MYCBP2: variants seen among roughly 807,000 people sequenced by gnomAD.
MYCBP2 encodes the protein E3 ubiquitin-protein ligase MYCBP2.
MYCBP2 carries 120 observed loss-of-function variants against 525.3 expected under a neutral mutation model. The observed-to-expected ratio is 0.23, with a 90% confidence interval of 0.20 to 0.27. The LOEUF (loss-of-function observed/expected upper bound fraction) is 0.27, where lower values mean the gene tolerates loss of function less well. Ranked by LOEUF, MYCBP2 falls within the 10% of genes least tolerant of loss-of-function variation. MYCBP2 has a pLI of 1.00. For missense variants in MYCBP2, 4,149 were observed against 5,657.1 expected, an observed-to-expected ratio of 0.73 and a Z score of 8.55; for synonymous variants, 1,894 against 1,955.8, an observed-to-expected ratio of 0.97 and a Z score of 0.83.
intron 1 of MYCBP2, among the ~76,000 whole-genome samples, chr13:77,303,063 G>A (rs993379540): frequency 2.0e-5 from 3 of 152,184 alleles, no homozygotes; most frequent in Non-Finnish European, 4.4e-5. Context: ...GGCCAGGCGC[G>A]GTGGCTCATG....
chr13:77,049,395 T>C (rs1302905099), intron 82 of MYCBP2, among the ~76,000 whole-genome samples: 1 of 152,164 alleles, frequency 6.6e-6, no homozygotes, highest in Non-Finnish European at 1.5e-5. Flanking sequence ...TACTTATCTT[T>C]ATTTTGAAAT....
chr13:77,166,654 T>C, intron 40 of MYCBP2, 100 bp from the exon 41 acceptor site: 2 of 691,184 alleles, frequency 2.9e-6, no homozygotes. Context: ...TTTTATTAAA[T>C]GACACAACAG....
chr13:77,312,206 T>C lies in MYCBP2; in HGVS notation c.302+14268A>G, dbSNP rs1053728929. ...TTCTCAAAGAAAAACAAAGAGAATG[T>C]ATCCCCAGCAGACTGATCTGCTAGA... On this transcript the variant is annotated intron_variant, in intron 1 of 82. Coordinates refer to ENST00000544440, the MANE Select transcript of MYCBP2 (RefSeq NM_015057.5). Among the ~76,000 whole-genome samples the C allele has an allele frequency of 1.1e-4, 16 of 152,236 alleles. No individual in the cohort carries two copies. The East Asian group carries it at 2.9e-3, about 27-fold the overall frequency.
chr13:77,115,208 A>G (rs140798899), intron 55 of MYCBP2, among the ~76,000 whole-genome samples: 1 of 152,038 alleles, frequency 6.6e-6, no homozygotes, highest in East Asian at 1.9e-4. Flanking sequence ...CAGAAGGTAC[A>G]GGACATAAAA....
In MYCBP2 at chr13:77,274,762, G is replaced by A. The variant is rs185359416; in HGVS notation, c.749-1094C>T. 5.9e-5 allele frequency among the ~76,000 whole-genome samples: 9 copies of A among 151,780 alleles called. 1 individual carries two copies. Among genetic ancestry groups the A allele is most frequent in the South Asian group, 2.1e-4 (1 of 4,814 alleles). On this transcript the variant is annotated intron_variant, in intron 4 of 82. Coordinates refer to ENST00000544440, the MANE Select transcript of MYCBP2 (RefSeq NM_015057.5). The stretch of plus-strand genomic sequence containing the variant: ...GTTAAGAAATTATCTCTTACCATTC[G>A]CTTTTGCCCCAATAGCCAGGGAGAA...
rs1269410083 is a variant in MYCBP2, at chr13:77,056,114, G to GTA, written c.13438-348_13438-347insTA. On this transcript the variant is annotated intron_variant, in intron 79 of 82. Transcript: ENST00000544440. ...CTCTGTGTTTGGTGTGTGTGTGTGT[G>GTA]TGTGTGTGTGTGTGTGTGTGTGTGT... 3.3e-3 allele frequency among the ~76,000 whole-genome samples: 448 copies of GTA among 136,812 alleles called. 4 individuals carry two copies. The highest frequency in any genetic ancestry group is 0.011 in the African/African-American group (420 of 39,246). 89.8% of individuals were successfully genotyped at this position (136,812 alleles called of 152,430 possible). A position where few individuals can be genotyped will look rare whatever the true frequency, so the allele number is the denominator to read the frequency against.
At chr13:77,120,291 A>G (rs1273305594) in intron 55 of MYCBP2, among the ~76,000 whole-genome samples, 1 of 152,216 alleles carries the variant, frequency 6.6e-6, no homozygotes, top group East Asian at 1.9e-4. Context: ...GTAAGCGAGC[A>G]GATGATACCC....
chr13:77,256,798 C>T (rs887497663), intron 14 of MYCBP2, among the ~76,000 whole-genome samples: 4 of 151,892 alleles, frequency 2.6e-5, no homozygotes, highest in African/African-American at 7.2e-5. Context: ...AAATTTAGTA[C>T]AGCCACTCTG....
At chr13:77,260,728 G>C (rs973693894) in intron 12 of MYCBP2, 136 bp from the exon 13 acceptor site, 1 of 720,764 alleles carries the variant, frequency 1.4e-6, no homozygotes, top group Non-Finnish European at 2.1e-6. Context: ...CAAAGGCCTG[G>C]GCTTCCCAAC....
rs187767183 is a variant in MYCBP2 at position 77,095,077 on chromosome 13, A to G, written c.10199+281T>C. Among the ~76,000 whole-genome samples the G allele has an allele frequency of 2.1e-3, 326 of 152,318 alleles. 4 individuals carry two copies. Among genetic ancestry groups the G allele is most frequent in the East Asian group, 1.4e-3 (7 of 5,174 alleles). ...CATTTCGCACTAACAGAGTGAAGTCAGCCTACCAAAGAGTAAAAGATAGCT... is the reference window on the plus strand; with the variant it reads ...CATTTCGCACTAACAGAGTGAAGTCGGCCTACCAAAGAGTAAAAGATAGCT... On this transcript the variant is annotated intron_variant, in intron 58 of 82. Transcript: ENST00000544440.
intron 26 of MYCBP2, among the ~76,000 whole-genome samples, chr13:77,199,830 T>C (rs1409380930): frequency 6.6e-6 from 1 of 151,916 alleles, no homozygotes; most frequent in African/African-American, 2.4e-5. Flanking sequence ...CAGCTGAGGG[T>C]CCTGTCTGTT....
rs764086780 is a variant in MYCBP2, at chr13:77,191,770, C to G, written c.3979G>C (p.Ala1327Pro). 4 of 1,614,098 alleles carry G rather than the reference C, an allele frequency of 2.5e-6. No individual in the cohort carries two copies. The highest frequency in any genetic ancestry group is 2.5e-6 in the Non-Finnish European group (3 of 1,180,002). Residue 1327 changes from alanine (A) to proline (P), a missense_variant, in exon 28 of 83, where the codon GCT (alanine) becomes CCT (proline). Ala to Pro is a conservative substitution (Grantham distance 27). This residue lies in a region of MYCBP2 where 620 missense variants were observed against 795.5 expected (regional missense o/e 0.78). Transcript: ENST00000544440. ...MMFDEPVLLQ[A>P]GWWYVAWARV... ...GCCCATGCCACATACCACCACCCAGCTTGCAGGAGAACAGGCTCATCAAAC... is the reference window on the plus strand; with the variant it reads ...GCCCATGCCACATACCACCACCCAGGTTGCAGGAGAACAGGCTCATCAAAC...
chr13:77,218,527 A>C (rs1219438175), intron 20 of MYCBP2, among the ~76,000 whole-genome samples: 1 of 152,164 alleles, frequency 6.6e-6, no homozygotes, highest in Non-Finnish European at 1.5e-5. Context: ...TCCCCAACTT[A>C]ATAATAATGC....
chr13:77,123,310 T>C (rs937803952), intron 54 of MYCBP2, among the ~76,000 whole-genome samples: 4 of 152,220 alleles, frequency 2.6e-5, no homozygotes, highest in African/African-American at 9.6e-5. Flanking sequence ...TTTATGTCTG[T>C]ATCTATACAT....
intron 34 of MYCBP2, among the ~76,000 whole-genome samples, chr13:77,178,287 T>G (rs1278055944): frequency 6.6e-6 from 1 of 152,202 alleles, no homozygotes; most frequent in East Asian, 1.9e-4. Context: ...AAAAATTTCA[T>G]CGAAATTCTA....
At chr13:77,174,517 T>TA in intron 36 of MYCBP2, 28 bp from the exon 37 acceptor site, 1 of 1,582,978 alleles carries the variant, frequency 6.3e-7, no homozygotes, top group Non-Finnish European at 8.7e-7. Context: ...AAAACATCTT[T>TA]TATTCACAAT....
chr13:77,067,979 G>A (rs2040479072), intron 70 of MYCBP2, 115 bp from the exon 71 acceptor site: 2 of 995,520 alleles, frequency 2.0e-6, no homozygotes, highest in Admixed American at 5.6e-5. Flanking sequence ...CCAGGTTGGA[G>A]TGCAGTGGAG....
chr13:77,100,900 A>C (rs1304493625), intron 55 of MYCBP2, among the ~76,000 whole-genome samples: 2 of 152,088 alleles, frequency 1.3e-5, no homozygotes, highest in Non-Finnish European at 2.9e-5. Context: ...AGCACAGATA[A>C]ACAGATGTGA....
At chr13:77,155,002 G>T (rs1214181915) in intron 46 of MYCBP2, among the ~76,000 whole-genome samples, 3 of 151,932 alleles carry the variant, frequency 2.0e-5, no homozygotes, top group Non-Finnish European at 1.5e-5. Context: ...CTTAACATAT[G>T]CTATTACATA....
Sources: allele counts gnomAD v4.1 joint callset (sites outside exome capture counted in the v4.1 genomes callset), GRCh38; gene constraint gnomAD v4.1.1; regional missense constraint gnomAD v4.1.1; transcripts MANE v1.5; gene names NCBI Gene and HGNC (gene_info 2026-07-23, HGNC 2026-07-21).